Variants in SLC6A16 observed in about 807,000 individuals in gnomAD.
The protein encoded by SLC6A16 is solute carrier family 6 member 16.
A neutral mutation model predicts 65.4 loss-of-function variants in SLC6A16; 54 were observed. The observed-to-expected ratio is 0.83, with a 90% CI of 0.66 to 1.04. SLC6A16 has a LOEUF of 1.04. Among genes scored for constraint, SLC6A16 ranks in the 50% least tolerant of loss-of-function variants. The pLI is 0.00. For synonymous variants in SLC6A16, 330 were observed against 346.5 expected (o/e 0.95, Z 0.53); for missense variants, 816 against 914.0 (o/e 0.89, Z 1.38).
chr19:49,327,790 C>T (rs868530392), upstream of SLC6A16, among the ~76,000 whole-genome samples: 3 of 152,096 alleles, frequency 2.0e-5, no homozygotes, highest in African/African-American at 7.2e-5. Flanking sequence ...GCCTTGTGAA[C>T]AGCATAGGGA....
chr19:49,313,653 G>T (rs537177992), intron 1 of SLC6A16, among the ~76,000 whole-genome samples: 22 of 147,714 alleles, frequency 1.5e-4, no homozygotes, highest in African/African-American at 5.6e-4. Flanking sequence ...AAAAATAGCC[G>T]GACATGGTGG....
At chr19:49,339,584 A>G in the SLC6A16 span, 1 of 1,452,070 alleles carries the variant, frequency 6.9e-7, no homozygotes. This position sits in a 1 kb window ranked among gnomAD's most constrained non-coding sequence, Gnocchi z 4.5. Context: ...GCCCAGCTTC[A>G]GGGAGCCCTG....
chr19:49,302,926 C>A (rs1352774952), intron 7 of SLC6A16, among the ~76,000 whole-genome samples: 1 of 151,946 alleles, frequency 6.6e-6, no homozygotes, highest in African/African-American at 2.4e-5. Context: ...TTTAAATCAT[C>A]CAGTCAGAGG....
chr19:49,323,032 C>T (rs144258486), intron 1 of SLC6A16, among the ~76,000 whole-genome samples: 2 of 151,792 alleles, frequency 1.3e-5, no homozygotes, highest in Non-Finnish European at 2.9e-5. Flanking sequence ...CATAAAGATA[C>T]AGACCAAGGG....
At chr19:49,329,676 A>G (rs368928186), upstream of SLC6A16, among the ~76,000 whole-genome samples, 12 of 123,852 alleles carry the variant, frequency 9.7e-5, no homozygotes, top group Non-Finnish European at 1.3e-4. Flanking sequence ...TCTGTCGCCC[A>G]GGCTGGAGTG....
chr19:49,324,463 A>T (rs1412195310), intron 1 of SLC6A16, among the ~76,000 whole-genome samples: 3 of 152,216 alleles, frequency 2.0e-5, no homozygotes, highest in African/African-American at 7.2e-5. Context: ...AACATCCATA[A>T]AGCCCCTTGA....
chr19:49,338,934 G>T, the SLC6A16 span: 16 of 1,611,088 alleles, frequency 9.9e-6, no homozygotes, highest in Admixed American at 2.0e-4. The surrounding 1 kb of genome is among the most constrained non-coding windows in gnomAD (Gnocchi z 5.0). Flanking sequence ...CATCTACCGC[G>T]AGGTGGGCAG....
In SLC6A16 at chr19:49,293,275, C is replaced by A; in HGVS notation, c.1726G>T (p.Val576Phe). The A allele has an allele frequency of 6.2e-7, 1 of 1,614,064 alleles. No homozygotes were observed. Among genetic ancestry groups the A allele is most frequent in the Non-Finnish European group, 8.5e-7 (1 of 1,180,016 alleles). Reference sequence around the variant, plus strand: ...GCCATGGTTTCAAATACGACAACGACGATGATGGGGAAGACTATCCAGTAG... The same window carrying A: ...GCCATGGTTTCAAATACGACAACGAAGATGATGGGGAAGACTATCCAGTAG... ...SDYWIVFPII[V>F]VVVFETMAVS... is the part of the protein sequence containing the mutation. Residue 576 changes from valine to phenylalanine, a missense_variant, in exon 10 of 12, where the codon GTC becomes TTC. Transcript: ENST00000335875.
intron 1 of SLC6A16, among the ~76,000 whole-genome samples, chr19:49,319,214 A>G (rs1198239652): frequency 1.3e-5 from 2 of 151,976 alleles, no homozygotes; most frequent in East Asian, 1.9e-4. Context: ...GACAATATCA[A>G]ATGGCCTAAA....
chr19:49,304,877 TGC>T (rs1203357069), intron 7 of SLC6A16, among the ~76,000 whole-genome samples: 6 of 152,228 alleles, frequency 3.9e-5, no homozygotes, highest in Non-Finnish European at 7.3e-5. Flanking sequence ...TACAAGTATT[TGC>T]ACGAGTGAGG....
chr19:49,308,787 C>A, intron 7 of SLC6A16, 89 bp downstream of exon 7: 1 of 1,530,834 alleles, frequency 6.5e-7, no homozygotes. Flanking sequence ...AATGTGTGAA[C>A]ATGGGTCTTT....
intron 7 of SLC6A16, among the ~76,000 whole-genome samples, chr19:49,299,764 TG>T (rs1970252760): frequency 2.0e-5 from 3 of 152,058 alleles, no homozygotes; most frequent in Admixed American, 6.5e-5. Flanking sequence ...GGCTCACGCC[TG>T]TAATCCCAGC....
chr19:49,310,113 G>C lies in SLC6A16; in HGVS notation c.627C>G (p.Phe209Leu). 6.2e-7 allele frequency: 1 copy of C among 1,614,022 alleles called. No individual in the cohort carries two copies. Among genetic ancestry groups the C allele is most frequent in the Non-Finnish European group, 8.5e-7 (1 of 1,179,976 alleles). Residue 209 changes from phenylalanine to leucine, a missense_variant, in exon 4 of 12, where the codon TTC (phenylalanine) becomes TTG (leucine). Phe to Leu is a conservative substitution (Grantham distance 22). Transcript: ENST00000335875. ...GAAACTGGAAGGACTGGCTCATGTA[G>C]AAGATGATCCAGGAATTGACCACAT... is the stretch of plus-strand genomic sequence containing the variant. ...YFNVVNSWII[F>L]YMSQSFQFPV...
chr19:49,331,849 C>G, the SLC6A16 span: 1 of 456,612 alleles, frequency 2.2e-6, no homozygotes, highest in Non-Finnish European at 4.4e-6. Flanking sequence ...AAGAAGAAAC[C>G]AAGTTGGTGA....
chr19:49,339,441 T>C, the SLC6A16 span: 1 of 1,603,860 alleles, frequency 6.2e-7, no homozygotes, highest in Non-Finnish European at 8.5e-7. The surrounding 1 kb of genome is among the most constrained non-coding windows in gnomAD (Gnocchi z 4.5). Flanking sequence ...CCACCCGCGA[T>C]CGGCCCTAAA....
the SLC6A16 span, chr19:49,335,690 C>CGT: frequency 1.2e-6 from 2 of 1,613,368 alleles, no homozygotes; most frequent in Non-Finnish European, 1.7e-6. This position sits in a 1 kb window ranked among gnomAD's most constrained non-coding sequence, Gnocchi z 4.6. Context: ...GGCCCACCCC[C>CGT]GTATCCGCAT....
chr19:49,295,138 G>A (rs1970161519), intron 7 of SLC6A16, among the ~76,000 whole-genome samples: 1 of 151,936 alleles, frequency 6.6e-6, no homozygotes, highest in Admixed American at 6.6e-5. Context: ...TCTTCACTTG[G>A]CTAACTCCTA....
At chr19:49,324,246 G>A (rs9676811) in intron 1 of SLC6A16, among the ~76,000 whole-genome samples, 7,709 of 152,128 alleles carry the variant, frequency 0.051, 615 homozygotes, top group African/African-American at 0.18. Context: ...CAGGAGAATC[G>A]CTTGAACCTG....
intron 7 of SLC6A16, among the ~76,000 whole-genome samples, chr19:49,300,593 C>T (rs966369923): frequency 6.6e-6 from 1 of 151,744 alleles, no homozygotes; most frequent in African/African-American, 2.4e-5. Flanking sequence ...TAAGTCAATC[C>T]AAAAGAAGGC....
Sources: gnomAD v4.1 joint callset for allele counts (sites outside exome capture counted in the v4.1 genomes callset) on GRCh38, gnomAD v4.1.1 for gene constraint, Gnocchi (gnomAD v3.1) non-coding constraint, MANE v1.5 for transcripts, NCBI Gene and HGNC (gene_info 2026-07-23, HGNC 2026-07-21) for gene names.